The following FSTL4 variants were observed in gnomAD, a reference collection of about 807,000 sequenced individuals.
The protein encoded by FSTL4 is follistatin like 4.
In FSTL4, 28 loss-of-function variants were observed where a neutral mutation model predicts 78.2. The observed-to-expected ratio is 0.36, with a 90% CI of 0.27 to 0.49. The LOEUF is 0.49. FSTL4 is among the 20% of genes least tolerant of loss of function. FSTL4 has a pLI of 0.98. For synonymous variants in FSTL4, 422 were observed against 440.5 expected, an observed-to-expected ratio of 0.96 and a Z score of 0.53; for missense variants, 922 against 1,084.9, an observed-to-expected ratio of 0.85 and a Z score of 2.11.
chr5:133,429,255 C>T (rs990849774), intron 3 of FSTL4, among the ~76,000 whole-genome samples: 5 of 152,144 alleles, frequency 3.3e-5, no homozygotes, highest in African/African-American at 1.2e-4. Flanking sequence ...TCAAATGAGC[C>T]TGAGGATGAC....
At chr5:133,472,200 G>A (rs1314788359) in intron 3 of FSTL4, among the ~76,000 whole-genome samples, 2 of 152,142 alleles carry the variant, frequency 1.3e-5, no homozygotes, top group Non-Finnish European at 2.9e-5. Context: ...ACTATTAGAA[G>A]AAAAAATTTC....
chr5:133,510,707 TGAGAGCGCTCTCTTCATG>T (rs1304480691), intron 3 of FSTL4, among the ~76,000 whole-genome samples: 5 of 152,126 alleles, frequency 3.3e-5, no homozygotes, highest in Non-Finnish European at 7.3e-5. Flanking sequence ...TAAATGTTAC[TGAGAGCGCTCTCTTCATG>T]GAGCCCCAGG....
At chr5:133,271,980 C>T (rs910200784) in intron 6 of FSTL4, among the ~76,000 whole-genome samples, 1 of 151,744 alleles carries the variant, frequency 6.6e-6, no homozygotes, top group African/African-American at 2.4e-5. Flanking sequence ...CAGCTTTGAC[C>T]GGGGGGCTTT....
At chr5:133,649,628 A>C in the FSTL4 span, among the ~76,000 whole-genome samples, 1 of 152,048 alleles carries the variant, frequency 6.6e-6, no homozygotes, top group Non-Finnish European at 1.5e-5. Context: ...GCTTGTTTTC[A>C]TTTGCTTATT....
intron 4 of FSTL4, among the ~76,000 whole-genome samples, chr5:133,331,146 G>A (rs763448278): frequency 5.3e-5 from 8 of 152,186 alleles, no homozygotes; most frequent in Non-Finnish European, 1.2e-4. Flanking sequence ...GCCCCGCATA[G>A]GTCCCGGCAG....
the FSTL4 span, among the ~76,000 whole-genome samples, chr5:133,819,604 G>A: frequency 1.3e-5 from 2 of 152,318 alleles, no homozygotes; most frequent in South Asian, 2.1e-4. Context: ...GGCGCAGGCA[G>A]GTTTAGGTGA....
At chr5:133,404,260 C>A (rs1413721892) in intron 3 of FSTL4, among the ~76,000 whole-genome samples, 1 of 152,216 alleles carries the variant, frequency 6.6e-6, no homozygotes, top group Non-Finnish European at 1.5e-5. Context: ...TAAACAAGCC[C>A]CTTGTTACCA....
At position 133,338,102 on chromosome 5, in the gene FSTL4, G is replaced by A. The variant is rs750664413; in HGVS notation, c.410-21450C>T. Among the ~76,000 whole-genome samples, 30 of 152,144 alleles carry A rather than the reference G, an allele frequency of 2.0e-4. No homozygotes were observed. Among genetic ancestry groups the A allele is most frequent in the Admixed American group, 1.3e-3 (20 of 15,280 alleles). ...GAGCTTAACTCTCTGGGTCCCTGGT[G>A]TGCACATAGGTCTCCCAGGTCACCC... On this transcript the variant is annotated intron_variant, in intron 4 of 15. Transcript: ENST00000265342. The surrounding 1 kb of genome is among the most constrained non-coding windows in gnomAD (Gnocchi z 4.0).
At chr5:133,582,207 T>C (rs952971319) in intron 2 of FSTL4, among the ~76,000 whole-genome samples, 4 of 152,072 alleles carry the variant, frequency 2.6e-5, no homozygotes, top group African/African-American at 9.7e-5. Flanking sequence ...CAGCCAGGAC[T>C]GAGAAGCCTC....
the FSTL4 span, among the ~76,000 whole-genome samples, chr5:133,798,444 T>C: frequency 5.3e-5 from 8 of 151,818 alleles, no homozygotes; most frequent in South Asian, 4.2e-4. Flanking sequence ...ACAAATGAAC[T>C]CTTCTCATAT....
the FSTL4 span, among the ~76,000 whole-genome samples, chr5:133,762,619 G>C: frequency 6.6e-6 from 1 of 152,170 alleles, no homozygotes; most frequent in Non-Finnish European, 1.5e-5. Flanking sequence ...CCATTTCCTT[G>C]TAATCCTCTC....
chr5:133,693,588 G>T, the FSTL4 span, among the ~76,000 whole-genome samples: 5 of 152,172 alleles, frequency 3.3e-5, no homozygotes, highest in Non-Finnish European at 5.9e-5. Flanking sequence ...CAAGGGCTCC[G>T]ACTGCCACCT....
chr5:133,423,051 G>C (rs902005120), intron 3 of FSTL4, among the ~76,000 whole-genome samples: 1 of 152,220 alleles, frequency 6.6e-6, no homozygotes, highest in South Asian at 2.1e-4. Flanking sequence ...GAACGGCCGA[G>C]CTCTAGTTTT....
intron 3 of FSTL4, among the ~76,000 whole-genome samples, chr5:133,465,798 AT>A (rs1757695280): frequency 6.6e-6 from 1 of 152,230 alleles, no homozygotes; most frequent in Non-Finnish European, 1.5e-5. Context: ...GAAAGTCTTA[AT>A]GAGGACCCTG....
At chr5:133,465,346 G>A (rs954715392) in intron 3 of FSTL4, among the ~76,000 whole-genome samples, 1 of 152,162 alleles carries the variant, frequency 6.6e-6, no homozygotes, top group Non-Finnish European at 1.5e-5. Context: ...TCTCCTCTGA[G>A]CTCCTCTCAT....
chr5:133,278,789 A>G (rs1752946178), intron 6 of FSTL4, among the ~76,000 whole-genome samples: 2 of 152,238 alleles, frequency 1.3e-5, no homozygotes, highest in Non-Finnish European at 2.9e-5. Context: ...ACAGCTATGC[A>G]GGGGCATTTC....
intron 3 of FSTL4, among the ~76,000 whole-genome samples, chr5:133,523,996 G>A (rs62374585): frequency 0.056 from 8,495 of 152,314 alleles, 332 homozygotes; most frequent in Middle Eastern, 0.11. Flanking sequence ...TGACAGGAAC[G>A]TCAGTGGTGG....
intron 6 of FSTL4, among the ~76,000 whole-genome samples, chr5:133,268,971 G>A (rs1752701377): frequency 6.6e-6 from 1 of 152,030 alleles, no homozygotes; most frequent in Admixed American, 6.6e-5. Context: ...CACCAGGTCA[G>A]GAGATCGAGA....
chr5:133,630,562 T>C, the FSTL4 span, among the ~76,000 whole-genome samples: 12 of 152,290 alleles, frequency 7.9e-5, no homozygotes, highest in East Asian at 2.3e-3. Flanking sequence ...AAAATGGCCA[T>C]ATTGCCCAAA....
Sources: allele counts gnomAD v4.1 joint callset (sites outside exome capture counted in the v4.1 genomes callset), GRCh38; gene constraint gnomAD v4.1.1; non-coding constraint Gnocchi (gnomAD v3.1); transcripts MANE v1.5; gene names NCBI Gene and HGNC (gene_info 2026-07-23, HGNC 2026-07-21).